Variants in SLC36A1 observed in about 807,000 individuals in gnomAD.
The protein encoded by SLC36A1 is solute carrier family 36 member 1.
In SLC36A1, 30 loss-of-function variants were observed where a neutral mutation model predicts 47.5. The observed-to-expected ratio is 0.63, with a 90% CI of 0.47 to 0.86. The LOEUF is 0.86. Ranked by LOEUF, SLC36A1 falls within the 40% of genes least tolerant of loss-of-function variation. The probability of loss-of-function intolerance (pLI) is 0.00; values close to 1 mark genes in which losing one functional copy is unlikely to be tolerated. For missense variants in SLC36A1, 517 were observed against 606.0 expected, an observed-to-expected ratio of 0.85 and a Z score of 1.54; for synonymous variants, 255 against 249.7, an observed-to-expected ratio of 1.02 and a Z score of -0.20.
the SLC36A1 span, among the ~76,000 whole-genome samples, chr5:151,374,134 C>A: frequency 6.6e-6 from 1 of 152,128 alleles, no homozygotes; most frequent in African/African-American, 2.4e-5. Context: ...CTGGAGGACA[C>A]CTACCCTGGC....
In SLC36A1 at chr5:151,463,697, TTTG is replaced by T. The variant is rs369070467; in HGVS notation, c.234+63_234+65del. On this transcript the variant is annotated intron_variant, in intron 3 of 10. Transcript: ENST00000243389. ...GGTGACAAATTTTAGGAGGTAGCTT[TTTG>T]TTGTTGTTAAAATGTACTTGCTTTA... is the stretch of plus-strand genomic sequence containing the variant. 9.8e-6 allele frequency: 13 copies of T among 1,329,488 alleles called. No individual in the cohort carries two copies. In the African/African-American group the frequency reaches 1.7e-4, roughly 18 times the overall value. The allele number at this position is 1,329,488 out of a possible 1,614,324, so 82.4% of individuals were successfully genotyped here.
At chr5:151,543,789 C>T in the SLC36A1 span, 2 of 1,614,054 alleles carry the variant, frequency 1.2e-6, no homozygotes, top group Admixed American at 3.3e-5. Context: ...AAGAAGAGTC[C>T]AGGTGCTTTT....
the SLC36A1 span, among the ~76,000 whole-genome samples, chr5:151,413,877 G>GTA: frequency 2.0e-5 from 3 of 151,782 alleles, no homozygotes; most frequent in South Asian, 2.1e-4. Flanking sequence ...GTATATATAT[G>GTA]TATATATATA....
chr5:151,381,549 A>G, the SLC36A1 span, among the ~76,000 whole-genome samples: 2 of 152,162 alleles, frequency 1.3e-5, no homozygotes, highest in African/African-American at 4.8e-5. Context: ...ATTAGAAATT[A>G]TGGTTTAAGA....
chr5:151,554,826 G>T, the SLC36A1 span, among the ~76,000 whole-genome samples: 1 of 152,068 alleles, frequency 6.6e-6, no homozygotes, highest in Non-Finnish European at 1.5e-5. Flanking sequence ...CAGCTCTCTG[G>T]CAACTTTGCC....
chr5:151,383,571 ATTT>A, the SLC36A1 span, among the ~76,000 whole-genome samples: 1 of 132,444 alleles, frequency 7.6e-6, no homozygotes. Context: ...TTTAACTTAA[ATTT>A]TTTTTTTTTT....
At chr5:151,431,652 A>G in the SLC36A1 span, among the ~76,000 whole-genome samples, 2 of 152,138 alleles carry the variant, frequency 1.3e-5, no homozygotes, top group Admixed American at 6.5e-5. Flanking sequence ...GGATAGTTTT[A>G]AAAAAGGGAG....
chr5:151,377,412 G>A, the SLC36A1 span, among the ~76,000 whole-genome samples: 2 of 144,924 alleles, frequency 1.4e-5, no homozygotes, highest in African/African-American at 2.6e-5. Context: ...GCAGTGGCGC[G>A]ATCTCGACTC....
At chr5:151,408,183 T>C in the SLC36A1 span, among the ~76,000 whole-genome samples, 1 of 152,238 alleles carries the variant, frequency 6.6e-6, no homozygotes, top group Non-Finnish European at 1.5e-5. Context: ...TTTTTGTTTT[T>C]GTTTGCTGCT....
Position 151,479,332 on chromosome 5 carries a change from A to G in SLC36A1, c.1002A>G (p.Ser334=). Residue 334 remains serine, a synonymous_variant, in exon 10 of 11, where the codon TCA becomes TCG. Coordinates refer to ENST00000243389, the MANE Select transcript of SLC36A1 (RefSeq NM_078483.4). ...TCTGTTTCGGCAGGTTGTACCAGTC[A>G]GTTAAGCTGCTGTACTCCATCGGGA... ...LNLPNCWLYQ[S]VKLLYSIGIF... 6.2e-7 allele frequency: 1 copy of G among 1,614,136 alleles called. No homozygotes were observed. Among genetic ancestry groups the G allele is most frequent in the Non-Finnish European group, 8.5e-7 (1 of 1,179,966 alleles).
upstream of SLC36A1, among the ~76,000 whole-genome samples, chr5:151,432,812 A>G (rs996200045): frequency 2.6e-5 from 4 of 152,190 alleles, no homozygotes; most frequent in African/African-American, 7.2e-5. Context: ...AGCAAAAAGC[A>G]GTCACACAGC....
the SLC36A1 span, among the ~76,000 whole-genome samples, chr5:151,408,303 C>T: frequency 6.6e-6 from 1 of 152,266 alleles, no homozygotes. Context: ...ATTCTCCTGC[C>T]TCAGCCTCCC....
chr5:151,507,333 T>G, the SLC36A1 span: 1 of 1,614,134 alleles, frequency 6.2e-7, no homozygotes, highest in Admixed American at 1.7e-5. Context: ...TTGGTTGAGG[T>G]TGTTGCAGGA....
chr5:151,430,180 T>C, the SLC36A1 span, among the ~76,000 whole-genome samples: 3 of 146,858 alleles, frequency 2.0e-5, no homozygotes, highest in East Asian at 2.1e-4. Flanking sequence ...TTTTTTTTTT[T>C]CTGAGACGGA....
At chr5:151,372,716 G>A in the SLC36A1 span, among the ~76,000 whole-genome samples, 1 of 152,080 alleles carries the variant, frequency 6.6e-6, no homozygotes, top group African/African-American at 2.4e-5. Context: ...CCAAAGTGCT[G>A]GGATTACAGG....
the SLC36A1 span, among the ~76,000 whole-genome samples, chr5:151,423,649 A>C: frequency 6.6e-6 from 1 of 152,240 alleles, no homozygotes; most frequent in East Asian, 1.9e-4. Context: ...AGAGATGAAC[A>C]GATGAAGCAC....
the SLC36A1 span, among the ~76,000 whole-genome samples, chr5:151,499,385 C>T: frequency 3.3e-5 from 5 of 152,192 alleles, no homozygotes; most frequent in African/African-American, 1.2e-4. Context: ...GGCATTGCAC[C>T]AGTGTTTCAA....
chr5:151,452,995 A>G (rs1753885943), intron 1 of SLC36A1, among the ~76,000 whole-genome samples: 1 of 152,116 alleles, frequency 6.6e-6, no homozygotes, highest in African/African-American at 2.4e-5. Context: ...TGAGGTCAAG[A>G]GTTTGACACC....
chr5:151,440,740 G>A (rs1037942512), intron 1 of SLC36A1, among the ~76,000 whole-genome samples: 1 of 152,154 alleles, frequency 6.6e-6, no homozygotes, highest in African/African-American at 2.4e-5. Context: ...GCAGAACCAA[G>A]GAGGGTTTTC....
Sources: gnomAD v4.1 joint callset for allele counts (sites outside exome capture counted in the v4.1 genomes callset) on GRCh38, gnomAD v4.1.1 for gene constraint, MANE v1.5 for transcripts, NCBI Gene and HGNC (gene_info 2026-07-23, HGNC 2026-07-21) for gene names.